Variants in KCNB2 observed in about 807,000 individuals in gnomAD.
The protein encoded by KCNB2 is potassium voltage-gated channel subfamily B member 2.
Under a neutral mutation model 61.5 loss-of-function variants are expected in KCNB2, and 15 were observed. The observed-to-expected ratio is 0.24, with a 90% CI of 0.16 to 0.38. KCNB2 has a LOEUF of 0.38. Among genes scored for constraint, KCNB2 ranks in the 10% least tolerant of loss-of-function variants. The pLI is 1.00. For synonymous variants in KCNB2, 457 were observed against 446.0 expected, an observed-to-expected ratio of 1.02 and a Z score of -0.31; for missense variants, 828 against 1,125.2, an observed-to-expected ratio of 0.74 and a Z score of 3.78.
chr8:72,559,007 CAGAG>C (rs138112786), intron 1 of KCNB2, among the ~76,000 whole-genome samples: 5 of 150,330 alleles, frequency 3.3e-5, no homozygotes, highest in Middle Eastern at 3.2e-3. Context: ...GGATCTACAA[CAGAG>C]AGAGAGAGAG....
chr8:72,697,326 A>C (rs1456835808), intron 2 of KCNB2, among the ~76,000 whole-genome samples: 1 of 152,118 alleles, frequency 6.6e-6, no homozygotes, highest in East Asian at 1.9e-4. Flanking sequence ...CATCATCGTC[A>C]TCATCATCAT....
At chr8:72,841,828 G>A (rs1335868895) in intron 2 of KCNB2, among the ~76,000 whole-genome samples, 1 of 152,108 alleles carries the variant, frequency 6.6e-6, no homozygotes, top group Admixed American at 6.5e-5. Context: ...GGAGATTTGG[G>A]GCTGAGACAA....
chr8:72,656,213 AATG>A (rs1806288501), intron 2 of KCNB2, among the ~76,000 whole-genome samples: 3 of 152,204 alleles, frequency 2.0e-5, no homozygotes, highest in Non-Finnish European at 4.4e-5. Flanking sequence ...TCATTTTTTC[AATG>A]ATATTTTCCA....
intron 2 of KCNB2, among the ~76,000 whole-genome samples, chr8:72,925,107 C>G (rs1406160937): frequency 6.6e-6 from 1 of 152,158 alleles, no homozygotes; most frequent in Non-Finnish European, 1.5e-5. Flanking sequence ...AAAATGATTG[C>G]ATTATGGCTT....
intron 2 of KCNB2, among the ~76,000 whole-genome samples, chr8:72,642,421 G>C (rs1806070286): frequency 6.6e-6 from 1 of 152,070 alleles, no homozygotes; most frequent in Non-Finnish European, 1.5e-5. Context: ...CACTGTTTCA[G>C]ATGGTGCAAC....
intron 2 of KCNB2, among the ~76,000 whole-genome samples, chr8:72,863,525 T>C (rs2129004205): frequency 6.6e-6 from 1 of 152,348 alleles, no homozygotes; most frequent in East Asian, 1.9e-4. Flanking sequence ...AGCATCCCTA[T>C]CAGCAGTGCT....
chr8:72,601,297 C>T (rs916127744), intron 2 of KCNB2, among the ~76,000 whole-genome samples: 1 of 152,066 alleles, frequency 6.6e-6, no homozygotes, highest in African/African-American at 2.4e-5. Context: ...GAAATGATTT[C>T]AAAGACAAAA....
At position 72,539,224 on chromosome 8, in the gene KCNB2, A is replaced by T. The variant is rs543588371; in HGVS notation, c.-94+1339A>T. Reference sequence around the variant, plus strand: ...GTAATTTGGCACATTACACATGTGTATGCGCATTTAATTGCCGTTTGAGGT... The same window carrying T: ...GTAATTTGGCACATTACACATGTGTTTGCGCATTTAATTGCCGTTTGAGGT... On this transcript the variant is annotated intron_variant, in intron 1 of 2. Coordinates refer to ENST00000523207, the MANE Select transcript of KCNB2 (RefSeq NM_004770.3). Among the ~76,000 whole-genome samples the T allele has an allele frequency of 4.6e-5, 7 of 152,180 alleles. 1 individual carries two copies. Among genetic ancestry groups the T allele is most frequent in the African/African-American group, 1.7e-4 (7 of 41,448 alleles).
chr8:72,734,197 C>G (rs1436084734), intron 2 of KCNB2, among the ~76,000 whole-genome samples: 1 of 152,206 alleles, frequency 6.6e-6, no homozygotes, highest in Non-Finnish European at 1.5e-5. Flanking sequence ...ACAAACACAG[C>G]ATTATCATTT....
intron 2 of KCNB2, among the ~76,000 whole-genome samples, chr8:72,737,561 G>A (rs1899076): frequency 0.69 from 104,298 of 152,086 alleles, 36,844 homozygotes; most frequent in African/African-American, 0.85. Context: ...TTTAGTTTCA[G>A]CTATTATAAT....
chr8:72,923,591 A>T (rs1169715212), intron 2 of KCNB2, among the ~76,000 whole-genome samples: 1 of 152,150 alleles, frequency 6.6e-6, no homozygotes. Context: ...TTTTCAGGTT[A>T]AATTAGAATG....
intron 2 of KCNB2, among the ~76,000 whole-genome samples, chr8:72,866,849 G>A (rs1179917480): frequency 6.6e-6 from 1 of 152,102 alleles, no homozygotes; most frequent in Non-Finnish European, 1.5e-5. Flanking sequence ...ATTAATCACA[G>A]GCTTTGAAAT....
At chr8:72,633,850 A>T (rs1014563829) in intron 2 of KCNB2, among the ~76,000 whole-genome samples, 1 of 152,130 alleles carries the variant, frequency 6.6e-6, no homozygotes, top group Admixed American at 6.6e-5. Flanking sequence ...TGTGATATAA[A>T]CGTACCCTGC....
At chr8:72,694,668 T>A (rs1478850120) in intron 2 of KCNB2, among the ~76,000 whole-genome samples, 1 of 152,058 alleles carries the variant, frequency 6.6e-6, no homozygotes, top group Non-Finnish European at 1.5e-5. Flanking sequence ...AGCATATTTT[T>A]AAAAAATACT....
chr8:72,777,231 A>G (rs1782846654), intron 2 of KCNB2, among the ~76,000 whole-genome samples: 1 of 152,216 alleles, frequency 6.6e-6, no homozygotes, highest in Admixed American at 6.5e-5. Context: ...ACTGGTGAAT[A>G]ATATTGTCAA....
Position 72,596,360 on chromosome 8 carries a change from G to T in KCNB2, c.579+28047G>T, listed in dbSNP as rs574705756. The stretch of plus-strand genomic sequence containing the variant: ...AGTACTACTTTTCTGACCTTATCCA[G>T]GGAGTCATTGAATTGCTCTGTGCCT... On this transcript the variant is annotated intron_variant, in intron 2 of 2. Transcript: ENST00000523207. Among the ~76,000 whole-genome samples the T allele has an allele frequency of 4.6e-5, 7 of 152,272 alleles. No individual in the cohort carries two copies. In the East Asian group the frequency reaches 1.2e-3, roughly 25 times the overall value.
At chr8:72,639,069 G>C (rs1444773522) in intron 2 of KCNB2, among the ~76,000 whole-genome samples, 1 of 152,136 alleles carries the variant, frequency 6.6e-6, no homozygotes, top group Non-Finnish European at 1.5e-5. Context: ...GATGGCATGG[G>C]CTGATAATAT....
intron 2 of KCNB2, among the ~76,000 whole-genome samples, chr8:72,811,514 T>G (rs1809305315): frequency 6.6e-6 from 1 of 152,258 alleles, no homozygotes; most frequent in Non-Finnish European, 1.5e-5. Context: ...TTTTCTTCGA[T>G]TATGTCTTCT....
chr8:72,901,177 G>A (rs1806086970), intron 2 of KCNB2, among the ~76,000 whole-genome samples: 1 of 152,178 alleles, frequency 6.6e-6, no homozygotes, highest in African/African-American at 2.4e-5. Context: ...AGCCAGGCAA[G>A]GAAGAATAGC....
Sources: allele counts gnomAD v4.1 joint callset (sites outside exome capture counted in the v4.1 genomes callset), GRCh38; gene constraint gnomAD v4.1.1; transcripts MANE v1.5; gene names NCBI Gene and HGNC (gene_info 2026-07-23, HGNC 2026-07-21).